ANKRD55: variants seen among roughly 807,000 people sequenced by gnomAD.
The protein encoded by ANKRD55 is ankyrin repeat domain 55, also known as ankyrin repeat domain-containing protein 55.
In ANKRD55, 41 loss-of-function variants were observed where a neutral mutation model predicts 60.6. The observed-to-expected ratio is 0.68, with a 90% CI of 0.53 to 0.88. The LOEUF (loss-of-function observed/expected upper bound fraction) is 0.88, where lower values mean the gene tolerates loss of function less well. Ranked by LOEUF, ANKRD55 falls within the 40% of genes least tolerant of loss-of-function variation. The pLI, the probability that ANKRD55 is intolerant of heterozygous loss-of-function variation, is 0.00. For missense variants in ANKRD55, 732 were observed against 767.6 expected (o/e 0.95, Z 0.55); for synonymous variants, 264 against 290.3 (o/e 0.91, Z 0.92).
Position 56,171,743 on chromosome 5 carries a change from G to A in ANKRD55, c.313-940C>T, listed in dbSNP as rs1009480946. Among the ~76,000 whole-genome samples the A allele has an allele frequency of 8.6e-5, 13 of 151,992 alleles. No individual in the cohort carries two copies. The South Asian group carries it at 1.0e-3, about 12-fold the overall frequency. On this transcript the variant is annotated intron_variant, in intron 4 of 11. Transcript: ENST00000341048. Reference sequence around the variant, plus strand: ...GCAGGCTTCCCACCTTCCTACATTCGCGTCTAGGTAAACCTCAAAATTATC... The same window carrying A: ...GCAGGCTTCCCACCTTCCTACATTCACGTCTAGGTAAACCTCAAAATTATC...
intron 6 of ANKRD55, among the ~76,000 whole-genome samples, chr5:56,145,777 C>T (rs1052353238): frequency 4.6e-5 from 7 of 152,158 alleles, no homozygotes; most frequent in Non-Finnish European, 8.8e-5. Flanking sequence ...TTATGGTTTG[C>T]TTTCAAGTTT....
intron 2 of ANKRD55, among the ~76,000 whole-genome samples, chr5:56,210,031 G>C (rs1056636426): frequency 6.6e-6 from 1 of 151,856 alleles, no homozygotes; most frequent in Non-Finnish European, 1.5e-5. Flanking sequence ...AATTTGAGAT[G>C]GAGTCTCGTT....
At chr5:56,157,810 A>G (rs1758230362) in intron 6 of ANKRD55, among the ~76,000 whole-genome samples, 1 of 152,180 alleles carries the variant, frequency 6.6e-6, no homozygotes. Flanking sequence ...GAACTCAGAG[A>G]CCGGAGCCGG....
chr5:56,213,518 G>GAA (rs150582110), intron 2 of ANKRD55, among the ~76,000 whole-genome samples: 6 of 144,382 alleles, frequency 4.2e-5, no homozygotes, highest in African/African-American at 1.3e-4. Context: ...CAATAAAATT[G>GAA]AAAAAAAAAA....
intron 6 of ANKRD55, among the ~76,000 whole-genome samples, chr5:56,153,898 A>C (rs1758121785): frequency 6.6e-6 from 1 of 151,580 alleles, no homozygotes; most frequent in Non-Finnish European, 1.5e-5. Context: ...AAAAATTCTA[A>C]GACAAATGCT....
At chr5:56,185,973 T>C (rs1450172675) in intron 2 of ANKRD55, among the ~76,000 whole-genome samples, 1 of 152,210 alleles carries the variant, frequency 6.6e-6, no homozygotes, top group East Asian at 1.9e-4. Context: ...TGTTTTCGTT[T>C]GTTTGTTTTA....
intron 2 of ANKRD55, among the ~76,000 whole-genome samples, chr5:56,232,097 A>T (rs1014371496): frequency 6.6e-6 from 1 of 152,238 alleles, no homozygotes. Context: ...TTTCATGTTT[A>T]TACTAAAAAA....
intron 5 of ANKRD55, among the ~76,000 whole-genome samples, chr5:56,166,469 C>T (rs1758488156): frequency 6.6e-6 from 1 of 151,922 alleles, no homozygotes; most frequent in Non-Finnish European, 1.5e-5. Context: ...CATTATGTTG[C>T]CTAAGCTGGT....
At chr5:56,200,979 C>T (rs567795405) in intron 2 of ANKRD55, among the ~76,000 whole-genome samples, 12 of 152,264 alleles carry the variant, frequency 7.9e-5, no homozygotes, top group Non-Finnish European at 1.5e-4. Context: ...TACTCATCTA[C>T]CATATGCTAG....
chr5:56,216,343 C>T (rs1207635358), intron 2 of ANKRD55, among the ~76,000 whole-genome samples: 3 of 152,232 alleles, frequency 2.0e-5, no homozygotes, highest in East Asian at 1.9e-4. Context: ...CCTCAGGCCT[C>T]CTTATTCCTT....
At chr5:56,140,726 A>G (rs1258205314) in intron 7 of ANKRD55, among the ~76,000 whole-genome samples, 1 of 152,202 alleles carries the variant, frequency 6.6e-6, no homozygotes, top group East Asian at 1.9e-4. Context: ...TCTAAACCCT[A>G]GCTGCATATT....
rs982366441 is a variant in ANKRD55 at position 56,233,240 on chromosome 5, C to A, written c.-34+1G>T. On this transcript the variant is annotated splice_donor_variant, in intron 1 of 11. Transcript: ENST00000341048. LOFTEE classifies it low-confidence loss of function (5UTR_SPLICE). ...ATAGTAAAATTGTATGGGCCACCTG[C>A]CTTGGATCTGGGCTGGAAAAACACA... The A allele has an allele frequency of 3.3e-6, 1 of 303,994 alleles. No homozygotes were observed. The highest frequency in any genetic ancestry group is 6.2e-6 in the Non-Finnish European group (1 of 161,606). The allele number at this position is 303,994 out of a possible 1,614,324, so 18.8% of individuals were successfully genotyped here. A position where few individuals can be genotyped will look rare whatever the true frequency, so the allele number is the denominator to read the frequency against.
intron 2 of ANKRD55, among the ~76,000 whole-genome samples, chr5:56,209,738 T>C (rs1345771607): frequency 6.6e-6 from 1 of 152,264 alleles, no homozygotes; most frequent in Non-Finnish European, 1.5e-5. Context: ...GTGCTGGGAT[T>C]ACAGGCGTGA....
chr5:56,129,722 A>G (rs1190167947), intron 7 of ANKRD55, among the ~76,000 whole-genome samples: 1 of 152,172 alleles, frequency 6.6e-6, no homozygotes, highest in East Asian at 1.9e-4. Flanking sequence ...AATATGTTCT[A>G]TGGTGGTTTC....
chr5:56,222,896 C>G, intron 2 of ANKRD55, among the ~76,000 whole-genome samples: 1 of 152,084 alleles, frequency 6.6e-6, no homozygotes, highest in East Asian at 1.9e-4. Flanking sequence ...CTGAAAGTGA[C>G]GGGGAGAATG....
intron 7 of ANKRD55, among the ~76,000 whole-genome samples, chr5:56,133,973 G>C (rs12519586): frequency 0.31 from 34,959 of 111,738 alleles, 12,447 homozygotes; most frequent in Middle Eastern, 0.53. Context: ...CAATGAAGTA[G>C]AAAACAGAAA....
At chr5:56,117,316 T>G (rs555693273) in intron 8 of ANKRD55, among the ~76,000 whole-genome samples, 31 of 152,342 alleles carry the variant, frequency 2.0e-4, no homozygotes, top group African/African-American at 7.2e-4. Flanking sequence ...TAATGCCTTT[T>G]GTCATTTTTC....
intron 2 of ANKRD55, among the ~76,000 whole-genome samples, chr5:56,191,483 C>T (rs992214804): frequency 8.5e-5 from 13 of 152,104 alleles, no homozygotes; most frequent in African/African-American, 2.7e-4. Flanking sequence ...AGTTGTTTTT[C>T]GAAGGGCTTT....
chr5:56,164,530 G>GA (rs964931867), intron 5 of ANKRD55, among the ~76,000 whole-genome samples: 2 of 152,082 alleles, frequency 1.3e-5, no homozygotes, highest in Admixed American at 6.5e-5. Flanking sequence ...TGACAGGGAG[G>GA]AAAAAAAGTC....
Sources: gnomAD v4.1 joint callset for allele counts (sites outside exome capture counted in the v4.1 genomes callset) on GRCh38, gnomAD v4.1.1 for gene constraint, MANE v1.5 for transcripts, NCBI Gene and HGNC (gene_info 2026-07-23, HGNC 2026-07-21) for gene names.